GLIS3: variants seen among roughly 807,000 people sequenced by gnomAD.
GLIS3 encodes zinc finger protein GLIS3.
GLIS3 carries 53 observed loss-of-function variants against 78.6 expected under a neutral mutation model. That is an observed-to-expected ratio of 0.67 (90% CI 0.54 to 0.85). The LOEUF (loss-of-function observed/expected upper bound fraction) is 0.85. GLIS3 is among the 40% of genes least tolerant of loss of function. GLIS3 has a pLI of 0.00. For synonymous variants in GLIS3, 684 were observed against 509.9 expected (o/e 1.34, Z -4.60); for missense variants, 1,703 against 1,231.1 (o/e 1.38, Z -5.74).
rs1004271235 is a variant in GLIS3, at chr9:3,826,514, G to A, written c.*1758C>T. On this transcript the variant is annotated 3_prime_UTR_variant, in exon 11 of 11. Coordinates refer to ENST00000381971, the MANE Select transcript of GLIS3 (RefSeq NM_001042413.2). ...CTCTTTTGCAGACTTTGACGTCTAC[G>A]TGAAAGCTTTTCTTAGAATACAGCC... The A allele has an allele frequency of 2.0e-5, 3 of 152,152 alleles. No individual in the cohort carries two copies. The highest frequency in any genetic ancestry group is 6.5e-5 in the Admixed American group (1 of 15,270). 9.4% of individuals were successfully genotyped at this position (152,152 alleles called of 1,614,324 possible). A position where few individuals can be genotyped will look rare whatever the true frequency, so the allele number is the denominator to read the frequency against.
chr9:3,832,986 A>C (rs1588048150), intron 9 of GLIS3, among the ~76,000 whole-genome samples: 1 of 152,324 alleles, frequency 6.6e-6, no homozygotes, highest in Admixed American at 6.5e-5. Context: ...AGAAGTGTCA[A>C]ATGCTTTAGT....
At chr9:4,442,924 T>C in the GLIS3 span, among the ~76,000 whole-genome samples, 1 of 152,128 alleles carries the variant, frequency 6.6e-6, no homozygotes, top group Non-Finnish European at 1.5e-5. Context: ...AGAGATTCCC[T>C]AGGGTGATAA....
chr9:4,376,872 C>G, the GLIS3 span, among the ~76,000 whole-genome samples: 1 of 134,872 alleles, frequency 7.4e-6, no homozygotes, highest in Non-Finnish European at 1.7e-5. Context: ...CAATATGCAT[C>G]AGGATGCTTG....
At chr9:4,380,678 T>A in the GLIS3 span, among the ~76,000 whole-genome samples, 2 of 152,312 alleles carry the variant, frequency 1.3e-5, no homozygotes, top group Middle Eastern at 3.4e-3. Context: ...AGTAGTTCTT[T>A]GAGAATACTT....
At chr9:4,400,257 T>C in the GLIS3 span, among the ~76,000 whole-genome samples, 3 of 152,132 alleles carry the variant, frequency 2.0e-5, no homozygotes, top group Non-Finnish European at 2.9e-5. Flanking sequence ...TAAAGAAAGA[T>C]GGAGAAGAGT....
At chr9:4,123,894 C>A (rs1554708144) in intron 3 of GLIS3, 1 of 397,366 alleles carries the variant, frequency 2.5e-6, no homozygotes. Context: ...CATTTTGCAG[C>A]TTTTCATAGG....
chr9:3,854,539 T>G (rs1056907231), intron 9 of GLIS3, among the ~76,000 whole-genome samples: 1 of 63,874 alleles, frequency 1.6e-5, no homozygotes, highest in Non-Finnish European at 4.5e-5. Flanking sequence ...TTTACGTTGA[T>G]GTTCTTTTTT....
intron 2 of GLIS3, among the ~76,000 whole-genome samples, chr9:4,135,800 CAG>C (rs2130958955): frequency 6.6e-6 from 1 of 152,252 alleles, no homozygotes; most frequent in South Asian, 2.1e-4. Context: ...TATGCAAAAA[CAG>C]ATCGATGAAG....
intron 6 of GLIS3, among the ~76,000 whole-genome samples, chr9:3,926,228 C>CTTTTT (rs1263149969): frequency 1.6e-5 from 2 of 125,172 alleles, no homozygotes; most frequent in Admixed American, 7.8e-5. Context: ...AATGCTTTTT[C>CTTTTT]TTTTGTTTTT....
intron 4 of GLIS3, among the ~76,000 whole-genome samples, chr9:4,020,814 T>C (rs1822824768): frequency 6.6e-6 from 1 of 152,184 alleles, no homozygotes; most frequent in Non-Finnish European, 1.5e-5. Context: ...GAGGACTGTG[T>C]TTCAAATTCT....
At chr9:4,208,370 C>G (rs889079841) in intron 2 of GLIS3, among the ~76,000 whole-genome samples, 20 of 152,192 alleles carry the variant, frequency 1.3e-4, no homozygotes, top group African/African-American at 4.1e-4. Context: ...GGGCACATCT[C>G]CCTGCAGCTC....
chr9:4,394,476 G>C, the GLIS3 span, among the ~76,000 whole-genome samples: 1 of 152,060 alleles, frequency 6.6e-6, no homozygotes, highest in East Asian at 1.9e-4. Context: ...ATTCATTATG[G>C]TTGCAGTTCT....
intron 1 of GLIS3, among the ~76,000 whole-genome samples, chr9:4,297,839 GGGAGAGGCGCGTA>G (rs1398275403): frequency 6.6e-6 from 1 of 152,210 alleles, no homozygotes; most frequent in Non-Finnish European, 1.5e-5. Flanking sequence ...CCGGGAGCGG[GGGAGAGGCGCGTA>G]GGACAAGGCA....
At chr9:4,465,389 A>T in the GLIS3 span, among the ~76,000 whole-genome samples, 17 of 152,150 alleles carry the variant, frequency 1.1e-4, no homozygotes, top group Admixed American at 9.8e-4. Context: ...CTCTATTAAA[A>T]ATACAAAAAA....
intron 2 of GLIS3, among the ~76,000 whole-genome samples, chr9:4,153,441 G>T (rs1364508686): frequency 2.6e-5 from 4 of 152,082 alleles, no homozygotes; most frequent in Non-Finnish European, 1.5e-5. Flanking sequence ...GTGCACTCCT[G>T]TAATACCAGC....
the GLIS3 span, among the ~76,000 whole-genome samples, chr9:4,390,309 G>A: frequency 6.6e-6 from 1 of 152,174 alleles, no homozygotes; most frequent in Non-Finnish European, 1.5e-5. Context: ...AAGAGCATAA[G>A]TAGACTTTGT....
At chr9:3,947,514 C>T (rs1176696450) in intron 4 of GLIS3, among the ~76,000 whole-genome samples, 2 of 152,220 alleles carry the variant, frequency 1.3e-5, no homozygotes, top group East Asian at 3.8e-4. Context: ...TTAACACTTG[C>T]ACACATATCC....
At chr9:4,260,357 GAGTTCAAGACC>G (rs1825396370) in intron 2 of GLIS3, among the ~76,000 whole-genome samples, 1 of 152,216 alleles carries the variant, frequency 6.6e-6, no homozygotes. Context: ...ACGAGGTCAG[GAGTTCAAGACC>G]AGCCTGGCCA....
At chr9:4,402,583 G>C in the GLIS3 span, among the ~76,000 whole-genome samples, 2 of 152,070 alleles carry the variant, frequency 1.3e-5, no homozygotes, top group Non-Finnish European at 2.9e-5. Context: ...ATAACACAGA[G>C]AAGGAATTCA....
Sources: gnomAD v4.1 joint callset for allele counts (sites outside exome capture counted in the v4.1 genomes callset) on GRCh38, gnomAD v4.1.1 for gene constraint, MANE v1.5 for transcripts, NCBI Gene and HGNC (gene_info 2026-07-23, HGNC 2026-07-21) for gene names.